Variants in BDNF observed in about 807,000 individuals in gnomAD.
BDNF encodes the protein brain derived neurotrophic factor.
A neutral mutation model predicts 19.5 loss-of-function variants in BDNF; 1 was observed. The observed-to-expected ratio is 0.05, with a 90% CI of 0.02 to 0.24. The LOEUF (loss-of-function observed/expected upper bound fraction) is 0.24, where lower values mean the gene tolerates loss of function less well. BDNF is among the 10% of genes least tolerant of loss of function. BDNF has a pLI of 1.00. For missense variants in BDNF, 195 were observed against 317.6 expected (o/e 0.61, Z 2.93); for synonymous variants, 100 against 121.6 (o/e 0.82, Z 1.17).
chr11:27,662,197 C>T (rs1292146472), intron 1 of BDNF, among the ~76,000 whole-genome samples: 1 of 152,142 alleles, frequency 6.6e-6, no homozygotes, highest in Admixed American at 6.5e-5. Context: ...GACAGGGTTT[C>T]ACCATGTTGG....
intron 1 of BDNF, chr11:27,660,156 C>T (rs1013190578): frequency 4.4e-6 from 5 of 1,127,440 alleles, no homozygotes; most frequent in Admixed American, 5.0e-5. Flanking sequence ...GGCAACCTAC[C>T]TCCAGTCAAT....
chr11:27,679,412 A>G (rs1856586818), intron 1 of BDNF, among the ~76,000 whole-genome samples: 2 of 152,362 alleles, frequency 1.3e-5, no homozygotes, highest in East Asian at 1.9e-4. Flanking sequence ...TCATTTATTC[A>G]TTCAGCAAAG....
At position 27,700,052 on chromosome 11, in the gene BDNF, AAAG is replaced by A. The variant is rs1229634438; in HGVS notation, c.-22+109_-22+111del. On this transcript the variant is annotated intron_variant, in intron 1 of 1. Coordinates refer to ENST00000356660, the MANE Select transcript of BDNF (RefSeq NM_001709.5). ...ATCGTCCCTTCTACCGGAGGGGAGG[AAAG>A]AAGGAGACTGGCCTCGTCCCACAAC... 5 of 936,222 alleles carry A rather than the reference AAAG, an allele frequency of 5.3e-6. 1 individual carries two copies. The South Asian group carries it at 1.5e-4, about 28-fold the overall frequency. The allele number at this position is 936,222 out of a possible 1,614,324, so 58.0% of individuals were successfully genotyped here.
intron 1 of BDNF, chr11:27,659,668 C>T (rs1010629657): frequency 4.5e-5 from 45 of 998,064 alleles, no homozygotes; most frequent in Middle Eastern, 1.0e-3. Context: ...CGTGTGCGCG[C>T]GCTCTGAGTT....
intron 1 of BDNF, among the ~76,000 whole-genome samples, chr11:27,671,592 A>G (rs568333698): frequency 6.6e-6 from 1 of 152,296 alleles, no homozygotes; most frequent in South Asian, 2.1e-4. Context: ...TTGTGTATTA[A>G]TGCAATTCAA....
At chr11:27,700,510 A>T (rs1859792275), upstream of BDNF, 1 of 950,994 alleles carries the variant, frequency 1.1e-6, no homozygotes, top group East Asian at 1.3e-4. Context: ...TCGATTGGTC[A>T]AACGGCGCCG....
At chr11:27,659,908 A>G (rs1030728181) in intron 1 of BDNF, among the ~76,000 whole-genome samples, 1 of 152,204 alleles carries the variant, frequency 6.6e-6, no homozygotes, top group Non-Finnish European at 1.5e-5. Context: ...AAACATACCT[A>G]TGGACCAACC....
intron 1 of BDNF, chr11:27,674,142 GCA>G: frequency 6.2e-7 from 1 of 1,611,464 alleles, no homozygotes; most frequent in Non-Finnish European, 8.5e-7. Context: ...CTTCTGGGAT[GCA>G]CAGTCATGCC....
At chr11:27,691,515 A>C (rs924774446) in intron 1 of BDNF, among the ~76,000 whole-genome samples, 1 of 152,240 alleles carries the variant, frequency 6.6e-6, no homozygotes, top group African/African-American at 2.4e-5. Context: ...GCAAGAACAC[A>C]TACAAACTAT....
At chr11:27,700,055 G>A (rs527867989) in intron 1 of BDNF, 109 bp downstream of exon 1, 9 of 947,130 alleles carry the variant, frequency 9.5e-6, no homozygotes, top group South Asian at 4.9e-5. Context: ...GGGGAGGAAA[G>A]AAGGAGACTG....
intron 1 of BDNF, among the ~76,000 whole-genome samples, chr11:27,681,395 G>T (rs758970904): frequency 3.3e-5 from 5 of 152,126 alleles, no homozygotes; most frequent in Non-Finnish European, 7.4e-5. Flanking sequence ...CCTAGAATCT[G>T]ATACAGCAAA....
chr11:27,709,942 G>A (rs1415070144), intron 1 of BDNF, among the ~76,000 whole-genome samples: 3 of 152,212 alleles, frequency 2.0e-5, no homozygotes, highest in Non-Finnish European at 2.9e-5. Flanking sequence ...AAATTTGAAC[G>A]ACAAGTTTAG....
At chr11:27,664,452 T>G (rs1406642804) in intron 1 of BDNF, among the ~76,000 whole-genome samples, 6 of 151,978 alleles carry the variant, frequency 3.9e-5, no homozygotes, top group African/African-American at 1.5e-4. Context: ...AGAAGTTACT[T>G]CCAGTTAGGG....
Position 27,656,650 on chromosome 11 carries a change from C to G in BDNF, c.*1171G>C, listed in dbSNP as rs975896852. The G allele has an allele frequency of 4.1e-6, 4 of 985,768 alleles. No individual in the cohort carries two copies. Among genetic ancestry groups the G allele is most frequent in the Non-Finnish European group, 4.8e-6 (4 of 829,942 alleles). The allele number at this position is 985,768 out of a possible 1,614,324, so 61.1% of individuals were successfully genotyped here. A position where few individuals can be genotyped will look rare whatever the true frequency, so the allele number is the denominator to read the frequency against. On this transcript the variant is annotated 3_prime_UTR_variant, in exon 2 of 2. Transcript: ENST00000356660. ...TGGCAATGTGGATTCCTGTTCTGATCTAGGTGTTTCTGGGTTGATACAGGG... is the reference window on the plus strand; with the variant it reads ...TGGCAATGTGGATTCCTGTTCTGATGTAGGTGTTTCTGGGTTGATACAGGG...
rs908009295 is a variant in BDNF, at chr11:27,657,467, T to G, written c.*354A>C. On this transcript the variant is annotated 3_prime_UTR_variant, in exon 2 of 2. Coordinates refer to ENST00000356660, the MANE Select transcript of BDNF (RefSeq NM_001709.5). The surrounding 1 kb of genome is among the most constrained non-coding windows in gnomAD (Gnocchi z 5.0). ...ATTTTTGTTGTGTGTGTGTGTGTTT[T>G]TTTTCTGTTTTCTGAAAGAGGACAG... 41 of 1,057,886 alleles carry G rather than the reference T, an allele frequency of 3.9e-5. No individual in the cohort carries two copies. The Admixed American group carries it at 4.5e-4, about 12-fold the overall frequency. 65.5% of individuals were successfully genotyped at this position (1,057,886 alleles called of 1,614,324 possible). A position where few individuals can be genotyped will look rare whatever the true frequency, so the allele number is the denominator to read the frequency against.
Position 27,656,970 on chromosome 11 carries a change from ATG to A in BDNF, c.*849_*850del, listed in dbSNP as rs1440214930. On this transcript the variant is annotated 3_prime_UTR_variant, in exon 2 of 2. Transcript: ENST00000356660. The stretch of plus-strand genomic sequence containing the variant: ...GACCAGAGGGGGAGGGGGGGAAAGA[ATG>A]TGTTCTGAGCAAACATAGGTCCTTC... The A allele has an allele frequency of 3.0e-6, 3 of 985,398 alleles. No homozygotes were observed. The highest frequency in any genetic ancestry group is 1.7e-5 in the African/African-American group (1 of 57,322). The allele number at this position is 985,398 out of a possible 1,614,324, so 61.0% of individuals were successfully genotyped here.
At chr11:27,712,927 CTTT>C (rs112937534) in intron 1 of BDNF, among the ~76,000 whole-genome samples, 8 of 117,270 alleles carry the variant, frequency 6.8e-5, no homozygotes, top group East Asian at 2.8e-4. Context: ...TTCTTTCTTT[CTTT>C]TTTTTTTTTT....
intron 1 of BDNF, among the ~76,000 whole-genome samples, chr11:27,682,665 T>C (rs1856993356): frequency 6.6e-6 from 1 of 152,116 alleles, no homozygotes; most frequent in African/African-American, 2.4e-5. Context: ...GGTGTTTGGT[T>C]TTCTGTTCCT....
At chr11:27,677,805 ACAT>A (rs769694281) in intron 1 of BDNF, 1 of 152,234 alleles carries the variant, frequency 6.6e-6, no homozygotes, top group Non-Finnish European at 1.5e-5. Context: ...TATTAACAAA[ACAT>A]TTAATCTAGT....
Sources: allele counts gnomAD v4.1 joint callset (sites outside exome capture counted in the v4.1 genomes callset), GRCh38; gene constraint gnomAD v4.1.1; non-coding constraint Gnocchi (gnomAD v3.1); transcripts MANE v1.5; gene names NCBI Gene and HGNC (gene_info 2026-07-23, HGNC 2026-07-21).